Variants in LARGE1 observed in about 807,000 individuals in gnomAD.
LARGE1 encodes xylosyl- and glucuronyltransferase LARGE1.
A neutral mutation model predicts 87.6 loss-of-function variants in LARGE1; 43 were observed. The observed-to-expected ratio is 0.49, with a 90% CI of 0.38 to 0.63. The LOEUF is 0.63. Ranked by LOEUF, LARGE1 falls within the 30% of genes least tolerant of loss-of-function variation. The pLI, the probability that LARGE1 is intolerant of heterozygous loss-of-function variation, is 0.00. For missense variants in LARGE1, 802 were observed against 1,000.2 expected (o/e 0.80, Z 2.67); for synonymous variants, 434 against 394.6 (o/e 1.10, Z -1.18).
intron 11 of LARGE1, chr22:33,166,905 C>A: frequency 2.1e-6 from 1 of 469,906 alleles, no homozygotes; most frequent in Non-Finnish European, 4.4e-6. Context: ...TGCAATGATA[C>A]TGGCTAAGAG....
chr22:33,389,884 AACCAACCAAAC>A (rs1187522833), intron 7 of LARGE1, among the ~76,000 whole-genome samples: 4 of 150,906 alleles, frequency 2.7e-5, no homozygotes, highest in African/African-American at 7.4e-5. Flanking sequence ...CCAACCAACC[AACCAACCAAAC>A]AAAAAAAACC....
chr22:33,885,682 C>T (rs2064823573), intron 1 of LARGE1, among the ~76,000 whole-genome samples: 2 of 152,124 alleles, frequency 1.3e-5, no homozygotes, highest in Non-Finnish European at 2.9e-5. Context: ...ATGAACCACC[C>T]AACCTACAAC....
At chr22:33,071,268 C>G in the LARGE1 span, among the ~76,000 whole-genome samples, 1 of 152,178 alleles carries the variant, frequency 6.6e-6, no homozygotes, top group African/African-American at 2.4e-5. Context: ...AGAGGAGCCA[C>G]AGGCTATGAA....
rs370250407 is a variant in LARGE1 at position 33,339,957 on chromosome 22, C to T, written c.1132-2156G>A. 5.9e-5 allele frequency among the ~76,000 whole-genome samples: 9 copies of T among 152,294 alleles called. No homozygotes were observed. In the South Asian group the frequency reaches 1.0e-3, roughly 18 times the overall value. ...CTGGGATTACAGGTGTGAGCTACCA[C>T]GCCTGGCCTAGAATATTTAATAGTA... On this transcript the variant is annotated intron_variant, in intron 9 of 14. Coordinates refer to ENST00000397394, the MANE Select transcript of LARGE1 (RefSeq NM_133642.5).
intron 6 of LARGE1, among the ~76,000 whole-genome samples, chr22:33,517,035 T>G (rs2148479983): frequency 6.6e-6 from 1 of 152,224 alleles, no homozygotes; most frequent in African/African-American, 2.4e-5. Context: ...TTATCTACAT[T>G]AAAAAAGGGA....
At chr22:33,138,051 T>C in the LARGE1 span, among the ~76,000 whole-genome samples, 1 of 152,124 alleles carries the variant, frequency 6.6e-6, no homozygotes, top group Non-Finnish European at 1.5e-5. Context: ...CACTGACAGC[T>C]TGCAGCATGT....
chr22:33,364,932 GC>G (rs763418889), intron 9 of LARGE1, among the ~76,000 whole-genome samples: 46 of 152,138 alleles, frequency 3.0e-4, no homozygotes, highest in Non-Finnish European at 5.4e-4. Flanking sequence ...CTGGGCTCAA[GC>G]AATCCACCTG....
At chr22:33,550,038 C>G (rs1242976000) in intron 6 of LARGE1, among the ~76,000 whole-genome samples, 2 of 151,616 alleles carry the variant, frequency 1.3e-5, no homozygotes, top group Non-Finnish European at 2.9e-5. Flanking sequence ...GGAGAAATAC[C>G]TAATGTAAAT....
chr22:33,770,879 G>A (rs530399447), intron 1 of LARGE1, among the ~76,000 whole-genome samples: 4 of 151,832 alleles, frequency 2.6e-5, no homozygotes, highest in South Asian at 4.2e-4. Flanking sequence ...TGTAATCTCC[G>A]CGTGACCATT....
At chr22:33,124,395 A>AGGAAGGAAGGAAAGAAGGAAGGAAGG in the LARGE1 span, among the ~76,000 whole-genome samples, 11 of 148,112 alleles carry the variant, frequency 7.4e-5, no homozygotes, top group Non-Finnish European at 1.1e-4. Flanking sequence ...GGAGGAAGGA[A>AGGAAGGAAGGAAAGAAGGAAGGAAGG]AATGATGGCT....
chr22:33,408,318 G>T (rs1183174516), intron 7 of LARGE1, among the ~76,000 whole-genome samples: 3 of 152,158 alleles, frequency 2.0e-5, no homozygotes, highest in Admixed American at 6.5e-5. Flanking sequence ...AAATAAGGAG[G>T]AGTACATAAT....
chr22:33,110,353 G>A, the LARGE1 span: 1 of 152,218 alleles, frequency 6.6e-6, no homozygotes, highest in African/African-American at 2.4e-5. Flanking sequence ...GTTCAGAAAT[G>A]AGCGTACGTT....
chr22:33,441,716 C>T (rs1165115670), intron 6 of LARGE1, among the ~76,000 whole-genome samples: 1 of 152,168 alleles, frequency 6.6e-6, no homozygotes, highest in Non-Finnish European at 1.5e-5. Context: ...ACCTCAGCTT[C>T]CCATAGTGCT....
At chr22:33,309,131 A>G (rs1343257317) in intron 11 of LARGE1, among the ~76,000 whole-genome samples, 1 of 151,292 alleles carries the variant, frequency 6.6e-6, no homozygotes, top group African/African-American at 2.4e-5. Flanking sequence ...GGGGGTGATT[A>G]GGTCATGAGG....
At chr22:33,674,383 C>G (rs1447757236) in intron 2 of LARGE1, among the ~76,000 whole-genome samples, 1 of 152,196 alleles carries the variant, frequency 6.6e-6, no homozygotes, top group Non-Finnish European at 1.5e-5. Flanking sequence ...ATTTCACCTA[C>G]TATCATGTCC....
intron 7 of LARGE1, among the ~76,000 whole-genome samples, chr22:33,413,601 A>T (rs1316472101): frequency 1.3e-5 from 2 of 152,006 alleles, no homozygotes; most frequent in Admixed American, 1.3e-4. Context: ...AGTACCCGGG[A>T]CTACAGGTGT....
In LARGE1 at chr22:33,816,705, C is replaced by CAGAG. The variant is rs1569457234; in HGVS notation, c.-82-55148_-82-55147insCTCT. Reference sequence around the variant, plus strand: ...ATAGATAGATAGACAGACAGACAGACAGACAGACAGACAGACAGACAGACA... The same window carrying CAGAG: ...ATAGATAGATAGACAGACAGACAGACAGAGAGACAGACAGACAGACAGACAGACA... On this transcript the variant is annotated intron_variant, in intron 1 of 14. Coordinates refer to ENST00000397394, the MANE Select transcript of LARGE1 (RefSeq NM_133642.5). Among the ~76,000 whole-genome samples, 5 of 141,394 alleles carry CAGAG rather than the reference C, an allele frequency of 3.5e-5. No homozygotes were observed. The East Asian group carries it at 1.0e-3, about 29-fold the overall frequency. 92.8% of individuals were successfully genotyped at this position (141,394 alleles called of 152,430 possible).
At chr22:33,259,148 G>C (rs1014489654) in intron 11 of LARGE1, among the ~76,000 whole-genome samples, 1 of 152,074 alleles carries the variant, frequency 6.6e-6, no homozygotes, top group Admixed American at 6.5e-5. Flanking sequence ...AAAATACTGG[G>C]ATTACAGGCA....
chr22:33,490,176 T>C (rs2069768765), intron 6 of LARGE1, among the ~76,000 whole-genome samples: 1 of 152,230 alleles, frequency 6.6e-6, no homozygotes, highest in Non-Finnish European at 1.5e-5. Flanking sequence ...TATTACATCA[T>C]ATTTATATAT....
Sources: gnomAD v4.1 joint callset for allele counts (sites outside exome capture counted in the v4.1 genomes callset) on GRCh38, gnomAD v4.1.1 for gene constraint, MANE v1.5 for transcripts, NCBI Gene and HGNC (gene_info 2026-07-23, HGNC 2026-07-21) for gene names.